The following BCAP29 variants were observed in gnomAD, a reference collection of about 807,000 sequenced individuals.
The protein encoded by BCAP29 is B-cell receptor-associated protein 29.
A neutral mutation model predicts 31.8 loss-of-function variants in BCAP29; 34 were observed. That is an observed-to-expected ratio of 1.07 (90% CI 0.81 to 1.42). BCAP29 has a LOEUF of 1.42. BCAP29 is among the 40% of genes most tolerant of loss of function. The pLI, the probability that BCAP29 is intolerant of heterozygous loss-of-function variation, is 0.00. For missense variants in BCAP29, 314 were observed against 269.2 expected, an observed-to-expected ratio of 1.17 and a Z score of -1.16; for synonymous variants, 104 against 91.3, an observed-to-expected ratio of 1.14 and a Z score of -0.79.
intron 3 of BCAP29, among the ~76,000 whole-genome samples, chr7:107,584,600 C>T (rs774454596): frequency 6.6e-6 from 1 of 151,960 alleles, no homozygotes; most frequent in Non-Finnish European, 1.5e-5. Context: ...CCCAGCTACT[C>T]GGGAGGCTGA....
chr7:107,613,284 A>C (rs1254449284), intron 6 of BCAP29, 48 bp from the exon 7 acceptor site: 1 of 1,423,826 alleles, frequency 7.0e-7, no homozygotes, highest in African/African-American at 1.4e-5. Flanking sequence ...TTTTCTATAA[A>C]TTTGAAATTA....
At chr7:107,602,027 T>G (rs1384158514) in intron 6 of BCAP29, among the ~76,000 whole-genome samples, 2 of 152,230 alleles carry the variant, frequency 1.3e-5, no homozygotes, top group African/African-American at 4.8e-5. Context: ...TACATGAGCA[T>G]TTCTTTAAAA....
intron 6 of BCAP29, among the ~76,000 whole-genome samples, chr7:107,608,303 C>T (rs1016216347): frequency 2.6e-5 from 4 of 151,812 alleles, no homozygotes; most frequent in African/African-American, 7.3e-5. Context: ...TGTTGTCTAC[C>T]ATTTGTTTGT....
chr7:107,582,143 A>G (rs530909571), intron 2 of BCAP29, among the ~76,000 whole-genome samples: 5 of 152,352 alleles, frequency 3.3e-5, no homozygotes, highest in African/African-American at 1.2e-4. Context: ...TTTTGTATAT[A>G]AACATCTAAT....
chr7:107,606,031 A>T (rs2129273316), intron 6 of BCAP29, among the ~76,000 whole-genome samples: 1 of 152,328 alleles, frequency 6.6e-6, no homozygotes, highest in South Asian at 2.1e-4. Context: ...AAAAGAATTT[A>T]AAAATAAAAA....
Position 107,583,868 on chromosome 7 carries a change from G to A in BCAP29, c.93-14G>A. Reference sequence around the variant, plus strand: ...TAGTTTTTTTATACCTAATATAATTGTATTGCTTTACAGATGGCAGAAGAT... The same window carrying A: ...TAGTTTTTTTATACCTAATATAATTATATTGCTTTACAGATGGCAGAAGAT... On this transcript the variant is annotated splice_polypyrimidine_tract_variant and intron_variant, in intron 2 of 7. Transcript: ENST00000005259. 7.1e-7 allele frequency: 1 copy of A among 1,408,054 alleles called. No individual in the cohort carries two copies. The highest frequency in any genetic ancestry group is 9.7e-7 in the Non-Finnish European group (1 of 1,026,642). 87.2% of individuals were successfully genotyped at this position (1,408,054 alleles called of 1,614,324 possible).
intron 3 of BCAP29, among the ~76,000 whole-genome samples, chr7:107,588,540 G>A (rs1808133542): frequency 1.3e-5 from 2 of 152,136 alleles, no homozygotes; most frequent in South Asian, 4.1e-4. Flanking sequence ...ACGAAAAAAG[G>A]TATTTGAAGG....
At position 107,606,303 on chromosome 7, in the gene BCAP29, G is replaced by A. The variant is rs539843026; in HGVS notation, c.589+5798G>A. 5.3e-5 allele frequency among the ~76,000 whole-genome samples: 8 copies of A among 152,282 alleles called. 2 individuals are homozygous for A. Among genetic ancestry groups the A allele is most frequent in the African/African-American group, 1.9e-4 (8 of 41,554 alleles). On this transcript the variant is annotated intron_variant, in intron 6 of 7. Transcript: ENST00000005259. ...GAGACTGAACTAGTTAAACTTTAAT[G>A]TCTATTATATAGCTCCAAATAATGT... is the stretch of plus-strand genomic sequence containing the variant.
intron 7 of BCAP29, chr7:107,616,470 A>G (rs1334581212): frequency 1.3e-5 from 2 of 152,188 alleles, no homozygotes; most frequent in Non-Finnish European, 2.9e-5. Flanking sequence ...TCAGCTCCAT[A>G]GTTTACCACT....
At chr7:107,594,723 C>G (rs75106268) in intron 4 of BCAP29, among the ~76,000 whole-genome samples, 260 of 152,076 alleles carry the variant, frequency 1.7e-3, no homozygotes, top group African/African-American at 6.0e-3. Context: ...AGGATGGTCT[C>G]GATCTCCTGA....
chr7:107,589,133 C>T (rs1476975050), intron 3 of BCAP29, among the ~76,000 whole-genome samples: 1 of 152,170 alleles, frequency 6.6e-6, no homozygotes, highest in Non-Finnish European at 1.5e-5. Flanking sequence ...AATCAAGCCT[C>T]TCTAAACAGC....
intron 3 of BCAP29, chr7:107,587,617 T>C (rs1372810625): frequency 6.6e-6 from 1 of 152,084 alleles, no homozygotes; most frequent in Non-Finnish European, 1.5e-5. Flanking sequence ...AAAGGGGAAA[T>C]AGCCATTAAG....
intron 2 of BCAP29, 23 bp downstream of exon 2, chr7:107,580,887 A>T: frequency 6.6e-7 from 1 of 1,516,888 alleles, no homozygotes; most frequent in Non-Finnish European, 8.9e-7. Flanking sequence ...CAAATCGTTA[A>T]CTAATAAATA....
chr7:107,612,803 A>G (rs1039780283), intron 6 of BCAP29, among the ~76,000 whole-genome samples: 2 of 152,108 alleles, frequency 1.3e-5, no homozygotes, highest in African/African-American at 4.8e-5. Context: ...AGTGGCCTGT[A>G]TTCTTTAAAA....
rs200018795 is a variant in BCAP29 at position 107,595,822 on chromosome 7, T to C, written c.345-45T>C. The C allele has an allele frequency of 3.9e-5, 61 of 1,574,760 alleles. No individual in the cohort carries two copies. In the East Asian group the frequency reaches 8.5e-4, roughly 22 times the overall value. On this transcript the variant is annotated intron_variant, in intron 4 of 7. Transcript: ENST00000005259. ...GGCAATGACTGTTTTAAAATAAGTT[T>C]CTGGTGATTGGCCAGTAATACATTA...
At chr7:107,581,578 TG>T (rs1162168426) in intron 2 of BCAP29, among the ~76,000 whole-genome samples, 1 of 152,166 alleles carries the variant, frequency 6.6e-6, no homozygotes, top group Non-Finnish European at 1.5e-5. Flanking sequence ...ATAGTATGAA[TG>T]GGGAAATACA....
At chr7:107,581,471 T>G (rs1469233480) in intron 2 of BCAP29, among the ~76,000 whole-genome samples, 1 of 152,256 alleles carries the variant, frequency 6.6e-6, no homozygotes, top group Non-Finnish European at 1.5e-5. Context: ...TCTAAGGTCT[T>G]GAAGAACCAA....
At chr7:107,607,934 G>A (rs573739265) in intron 6 of BCAP29, among the ~76,000 whole-genome samples, 5 of 152,138 alleles carry the variant, frequency 3.3e-5, no homozygotes, top group Admixed American at 1.3e-4. Flanking sequence ...CACTGTGCCC[G>A]GCCTGGATTC....
At chr7:107,582,956 A>C (rs6976607) in intron 2 of BCAP29, among the ~76,000 whole-genome samples, 115,952 of 151,944 alleles carry the variant, frequency 0.76, 44,831 homozygotes, top group African/African-American at 0.9. Flanking sequence ...ATCTCCCTCA[A>C]CCCACCAATT....
Sources: allele counts gnomAD v4.1 joint callset (sites outside exome capture counted in the v4.1 genomes callset), GRCh38; gene constraint gnomAD v4.1.1; transcripts MANE v1.5; gene names NCBI Gene and HGNC (gene_info 2026-07-23, HGNC 2026-07-21).